CACNA2D3: variants seen among roughly 807,000 people sequenced by gnomAD.
CACNA2D3 encodes calcium voltage-gated channel auxiliary subunit alpha2delta 3.
In CACNA2D3, 60 loss-of-function variants were observed where a neutral mutation model predicts 160.6. That is an observed-to-expected ratio of 0.37 (90% CI 0.30 to 0.46). The LOEUF is 0.46. CACNA2D3 is among the 20% of genes least tolerant of loss of function. The probability of loss-of-function intolerance (pLI) is 1.00; values close to 1 mark genes in which losing one functional copy is unlikely to be tolerated. For missense variants in CACNA2D3, 1,205 were observed against 1,365.0 expected (o/e 0.88, Z 1.85); for synonymous variants, 558 against 492.9 (o/e 1.13, Z -1.75).
intron 27 of CACNA2D3, among the ~76,000 whole-genome samples, chr3:54,960,909 G>A (rs1364573737): frequency 1.3e-5 from 2 of 152,152 alleles, no homozygotes; most frequent in African/African-American, 4.8e-5. Flanking sequence ...ACAGACCTCC[G>A]GAATGGGCTC....
intron 2 of CACNA2D3, among the ~76,000 whole-genome samples, chr3:54,140,174 G>A (rs535109603): frequency 1.1e-3 from 160 of 152,306 alleles, no homozygotes; most frequent in African/African-American, 3.7e-3. Context: ...TGGCATCAAA[G>A]GTGAGACATC....
chr3:54,537,068 C>T (rs1367222595), intron 5 of CACNA2D3, among the ~76,000 whole-genome samples: 2 of 151,208 alleles, frequency 1.3e-5, no homozygotes, highest in African/African-American at 4.9e-5. Context: ...TTGTTATCCT[C>T]TTTTTACAGA....
chr3:54,734,496 A>T (rs1701457398), intron 11 of CACNA2D3, among the ~76,000 whole-genome samples: 1 of 152,198 alleles, frequency 6.6e-6, no homozygotes, highest in African/African-American at 2.4e-5. Flanking sequence ...AAAGATGAAA[A>T]GGCTTATAAA....
At chr3:54,727,653 A>C (rs1374203101) in intron 11 of CACNA2D3, among the ~76,000 whole-genome samples, 1 of 152,216 alleles carries the variant, frequency 6.6e-6, no homozygotes, top group Non-Finnish European at 1.5e-5. Context: ...AAACTATCAC[A>C]AAAACAGAAA....
At chr3:55,069,810 G>A (rs760647653) in intron 35 of CACNA2D3, among the ~76,000 whole-genome samples, 29 of 152,286 alleles carry the variant, frequency 1.9e-4, no homozygotes, top group African/African-American at 5.5e-4. Flanking sequence ...CCCCAAAGGC[G>A]TGTTTTCTCT....
intron 13 of CACNA2D3, among the ~76,000 whole-genome samples, chr3:54,800,227 T>G (rs1233185464): frequency 6.6e-6 from 1 of 152,184 alleles, no homozygotes; most frequent in Non-Finnish European, 1.5e-5. Context: ...CACTGCCGCC[T>G]TCGATGAATC....
At chr3:54,124,574 T>G (rs980588930) in intron 2 of CACNA2D3, among the ~76,000 whole-genome samples, 6 of 152,258 alleles carry the variant, frequency 3.9e-5, no homozygotes, top group African/African-American at 9.6e-5. Flanking sequence ...ATGTACCATA[T>G]GTGTTATGCA....
intron 4 of CACNA2D3, among the ~76,000 whole-genome samples, chr3:54,492,489 C>G (rs777619976): frequency 1.4e-4 from 22 of 152,182 alleles, no homozygotes; most frequent in Non-Finnish European, 2.9e-4. Flanking sequence ...ATCTTCCTCA[C>G]CCTCTGAGCA....
intron 31 of CACNA2D3, among the ~76,000 whole-genome samples, chr3:55,000,553 A>C (rs1281835328): frequency 6.6e-6 from 1 of 152,228 alleles, no homozygotes; most frequent in Non-Finnish European, 1.5e-5. Flanking sequence ...CATGTATACT[A>C]TAACTTAAAG....
chr3:54,197,534 C>CCA (rs1362968122), intron 2 of CACNA2D3: 1 of 152,128 alleles, frequency 6.6e-6, no homozygotes, highest in Non-Finnish European at 1.5e-5. Flanking sequence ...ATTTTTGGTA[C>CCA]CATCTTCTTT....
In CACNA2D3 at chr3:54,386,419, T is replaced by C. The variant is rs556452813; in HGVS notation, c.322-296T>C. Among the ~76,000 whole-genome samples the C allele has an allele frequency of 5.3e-5, 8 of 152,368 alleles. No homozygotes were observed. In the South Asian group the frequency reaches 1.4e-3, roughly 28 times the overall value. On this transcript the variant is annotated intron_variant, in intron 3 of 37. Coordinates refer to ENST00000474759, the MANE Select transcript of CACNA2D3 (RefSeq NM_018398.3). ...ATGCTAGGTGGGTTTTGGATCTGCA[T>C]TGGGCCTCAAGGACCAGTGTCTGAA...
At chr3:54,867,795 G>A (rs2106813912) in intron 17 of CACNA2D3, among the ~76,000 whole-genome samples, 1 of 152,314 alleles carries the variant, frequency 6.6e-6, no homozygotes, top group Non-Finnish European at 1.5e-5. Context: ...GATAAATCCA[G>A]GAATGCATCC....
At chr3:54,528,131 G>A (rs1431029009) in intron 5 of CACNA2D3, among the ~76,000 whole-genome samples, 2 of 152,022 alleles carry the variant, frequency 1.3e-5, no homozygotes, top group African/African-American at 4.8e-5. Context: ...ATAAGGCTTG[G>A]AAAAACCCAG....
chr3:54,359,996 G>A (rs765275533), intron 3 of CACNA2D3, among the ~76,000 whole-genome samples: 22 of 152,186 alleles, frequency 1.4e-4, no homozygotes, highest in Non-Finnish European at 2.5e-4. Flanking sequence ...AGAATAAAAG[G>A]CAATGACAAC....
intron 11 of CACNA2D3, among the ~76,000 whole-genome samples, chr3:54,728,748 CT>C (rs1296396403): frequency 2.6e-5 from 4 of 152,278 alleles, no homozygotes; most frequent in Admixed American, 1.3e-4. Flanking sequence ...ATAATTTGTC[CT>C]GACTCTGCAG....
chr3:54,281,335 A>G (rs752210165), intron 2 of CACNA2D3, among the ~76,000 whole-genome samples: 5 of 152,230 alleles, frequency 3.3e-5, no homozygotes, highest in Admixed American at 2.0e-4. Flanking sequence ...GTGACTCAGT[A>G]TCTTTTCCAC....
At chr3:54,592,423 G>C (rs2106757879) in intron 9 of CACNA2D3, among the ~76,000 whole-genome samples, 1 of 152,222 alleles carries the variant, frequency 6.6e-6, no homozygotes, top group East Asian at 1.9e-4. Flanking sequence ...AGAGAGTTTT[G>C]CTTTGCTGTT....
chr3:54,642,649 C>T (rs573296520), intron 11 of CACNA2D3, among the ~76,000 whole-genome samples: 5 of 152,166 alleles, frequency 3.3e-5, no homozygotes, highest in Admixed American at 6.5e-5. Context: ...GTTCCTCCCA[C>T]GGCCCCCATT....
intron 11 of CACNA2D3, among the ~76,000 whole-genome samples, chr3:54,743,077 A>G (rs1316458367): frequency 1.3e-5 from 2 of 152,358 alleles, no homozygotes; most frequent in African/African-American, 4.8e-5. Flanking sequence ...GATAAATTCA[A>G]GTATGTCCCA....
Sources: allele counts gnomAD v4.1 joint callset (sites outside exome capture counted in the v4.1 genomes callset), GRCh38; gene constraint gnomAD v4.1.1; transcripts MANE v1.5; gene names NCBI Gene and HGNC (gene_info 2026-07-23, HGNC 2026-07-21).